The following PACSIN2 variants were observed in gnomAD, a reference collection of about 807,000 sequenced individuals.
PACSIN2 encodes protein kinase C and casein kinase substrate in neurons 2, also known as protein kinase C and casein kinase substrate in neurons protein 2.
PACSIN2 carries 25 observed loss-of-function variants against 63.8 expected under a neutral mutation model. The observed-to-expected ratio is 0.39, with a 90% CI of 0.29 to 0.55. The LOEUF (loss-of-function observed/expected upper bound fraction) is 0.55. Among genes scored for constraint, PACSIN2 ranks in the 20% least tolerant of loss-of-function variants. PACSIN2 has a pLI of 0.62. For missense variants in PACSIN2, 518 were observed against 646.9 expected, an observed-to-expected ratio of 0.80 and a Z score of 2.16; for synonymous variants, 255 against 256.2, an observed-to-expected ratio of 1.00 and a Z score of 0.05.
At chr22:42,905,660 C>T (rs922486879) in intron 2 of PACSIN2, among the ~76,000 whole-genome samples, 1 of 152,212 alleles carries the variant, frequency 6.6e-6, no homozygotes, top group Non-Finnish European at 1.5e-5. Context: ...AGGCCGAAGA[C>T]AATGTTGTAG....
chr22:42,972,478 C>G (rs565744751), intron 1 of PACSIN2, among the ~76,000 whole-genome samples: 4 of 151,992 alleles, frequency 2.6e-5, no homozygotes, highest in African/African-American at 4.8e-5. Flanking sequence ...TCCCCCTCTC[C>G]GAGAAACACC....
intron 1 of PACSIN2, among the ~76,000 whole-genome samples, chr22:42,977,561 C>T (rs1921789524): frequency 6.6e-6 from 1 of 152,240 alleles, no homozygotes; most frequent in East Asian, 1.9e-4. Flanking sequence ...AAAAACAATA[C>T]AACATCTAGC....
chr22:42,878,662 C>T (rs1041400597), intron 8 of PACSIN2, among the ~76,000 whole-genome samples: 4 of 152,246 alleles, frequency 2.6e-5, no homozygotes, highest in African/African-American at 9.6e-5. Context: ...CTCGGCAGGA[C>T]CTCAGCTGCC....
chr22:42,970,237 C>G (rs1043718992), intron 1 of PACSIN2, among the ~76,000 whole-genome samples: 1 of 152,212 alleles, frequency 6.6e-6, no homozygotes, highest in Non-Finnish European at 1.5e-5. Flanking sequence ...GTTAACATCA[C>G]GGTGGTGAGT....
intron 1 of PACSIN2, among the ~76,000 whole-genome samples, chr22:42,976,853 T>C (rs990515412): frequency 1.3e-5 from 2 of 152,148 alleles, no homozygotes; most frequent in African/African-American, 4.8e-5. Flanking sequence ...ATTAACTAAT[T>C]TGGCTAACGT....
chr22:42,994,193 G>A (rs1358435230), intron 1 of PACSIN2, among the ~76,000 whole-genome samples: 1 of 152,236 alleles, frequency 6.6e-6, no homozygotes, highest in Non-Finnish European at 1.5e-5. Flanking sequence ...TGACAGTGCA[G>A]TGCGCTCCTG....
chr22:42,871,511 A>G lies in PACSIN2; in HGVS notation c.1349-42T>C, dbSNP rs766980223. 1.8e-5 allele frequency: 26 copies of G among 1,452,052 alleles called. No homozygotes were observed. Among genetic ancestry groups the G allele is most frequent in the Non-Finnish European group, 2.3e-5 (24 of 1,031,864 alleles). The allele number at this position is 1,452,052 out of a possible 1,614,324, so 89.9% of individuals were successfully genotyped here. ...GAGCCGTCTCCATGAGAGGTATGAC[A>G]CCGACGGTGGGCTACAGAGCCGCAT... On this transcript the variant is annotated intron_variant, in intron 10 of 10. Transcript: ENST00000263246. The surrounding 1 kb of genome is among the most constrained non-coding windows in gnomAD (Gnocchi z 5.4).
chr22:42,941,081 C>G (rs1324955608), intron 1 of PACSIN2, among the ~76,000 whole-genome samples: 2 of 152,200 alleles, frequency 1.3e-5, no homozygotes, highest in Non-Finnish European at 2.9e-5. Flanking sequence ...AATCACTAAT[C>G]TACTTTCTGT....
At chr22:42,883,896 C>A (rs1224954148) in intron 6 of PACSIN2, among the ~76,000 whole-genome samples, 2 of 152,100 alleles carry the variant, frequency 1.3e-5, no homozygotes, top group South Asian at 2.1e-4. Flanking sequence ...CCCAGCTACT[C>A]GGGAGGCTGA....
At chr22:42,932,953 CAACT>C (rs749171272) in intron 1 of PACSIN2, among the ~76,000 whole-genome samples, 2 of 152,178 alleles carry the variant, frequency 1.3e-5, no homozygotes, top group Non-Finnish European at 2.9e-5. Context: ...TCAGAGGAAC[CAACT>C]GTGTTAGGAG....
chr22:42,880,957 T>C (rs962933519), intron 7 of PACSIN2, among the ~76,000 whole-genome samples: 7 of 152,176 alleles, frequency 4.6e-5, no homozygotes, highest in Non-Finnish European at 1.0e-4. Flanking sequence ...GACTTCCTGG[T>C]GTGTGGCTCC....
At chr22:42,967,369 C>T (rs1223096566) in intron 1 of PACSIN2, among the ~76,000 whole-genome samples, 2 of 152,054 alleles carry the variant, frequency 1.3e-5, no homozygotes, top group African/African-American at 2.4e-5. Flanking sequence ...AACACAAGGC[C>T]GCCAACTTTA....
rs191842639 is a variant in PACSIN2, at chr22:42,935,009, A to G, written c.-77-22852T>C. Among the ~76,000 whole-genome samples, 600 of 150,512 alleles carry G rather than the reference A, an allele frequency of 4.0e-3. 5 individuals are homozygous for G. Among genetic ancestry groups the G allele is most frequent in the African/African-American group, 0.014 (575 of 40,844 alleles). Reference sequence around the variant, plus strand: ...CGGCTCACTGCAAGCTCCACCTCCCAGGTTCACGCCATTCTCCTGCCTCAG... The same window carrying G: ...CGGCTCACTGCAAGCTCCACCTCCCGGGTTCACGCCATTCTCCTGCCTCAG... On this transcript the variant is annotated intron_variant, in intron 1 of 10. Coordinates refer to ENST00000263246, the MANE Select transcript of PACSIN2 (RefSeq NM_001184970.3).
At chr22:42,896,603 G>C (rs1930305577) in intron 2 of PACSIN2, among the ~76,000 whole-genome samples, 1 of 152,128 alleles carries the variant, frequency 6.6e-6, no homozygotes, top group African/African-American at 2.4e-5. Flanking sequence ...TCATCTATTG[G>C]TCTTTTGTGG....
At position 42,913,309 on chromosome 22, in the gene PACSIN2, G is replaced by A. The variant is rs182131391; in HGVS notation, c.-77-1152C>T. ...AGCCTGACCAAGACGGAGAAACCCC[G>A]TCTCTACTAAAAATACAAAATTAGC... On this transcript the variant is annotated intron_variant, in intron 1 of 10. Coordinates refer to ENST00000263246, the MANE Select transcript of PACSIN2 (RefSeq NM_001184970.3). 3.8e-4 allele frequency among the ~76,000 whole-genome samples: 58 copies of A among 152,148 alleles called. No individual in the cohort carries two copies. The East Asian group carries it at 0.01, about 27-fold the overall frequency.
chr22:43,007,101 G>A (rs560258485), intron 1 of PACSIN2, among the ~76,000 whole-genome samples: 3 of 152,004 alleles, frequency 2.0e-5, no homozygotes, highest in African/African-American at 7.3e-5. Flanking sequence ...CTTCATCCCG[G>A]TATTTTAAAT....
chr22:42,928,981 G>A (rs760079341), intron 1 of PACSIN2, among the ~76,000 whole-genome samples: 3 of 152,224 alleles, frequency 2.0e-5, no homozygotes, highest in Non-Finnish European at 4.4e-5. Flanking sequence ...AGAGTTCTCT[G>A]AGTTTAAAAT....
intron 1 of PACSIN2, among the ~76,000 whole-genome samples, chr22:42,933,506 G>T (rs947901298): frequency 1.3e-5 from 2 of 152,184 alleles, no homozygotes; most frequent in Admixed American, 6.5e-5. Flanking sequence ...TGTTTGAGGG[G>T]ACCAAAGAAC....
chr22:43,010,398 A>ATATAT, intron 1 of PACSIN2, among the ~76,000 whole-genome samples: 12 of 126,392 alleles, frequency 9.5e-5, no homozygotes, highest in African/African-American at 2.8e-4. Flanking sequence ...ATATATATAT[A>ATATAT]TTTTTTTTTA....
Sources: gnomAD v4.1 joint callset for allele counts (sites outside exome capture counted in the v4.1 genomes callset) on GRCh38, gnomAD v4.1.1 for gene constraint, Gnocchi (gnomAD v3.1) non-coding constraint, MANE v1.5 for transcripts, NCBI Gene and HGNC (gene_info 2026-07-23, HGNC 2026-07-21) for gene names.